R3HDM1: variants seen among roughly 807,000 people sequenced by gnomAD.
R3HDM1 encodes the protein R3H domain containing 1, also known as R3H domain-containing protein 1.
R3HDM1 carries 46 observed loss-of-function variants against 141.1 expected under a neutral mutation model. That is an observed-to-expected ratio of 0.33 (90% CI 0.26 to 0.42). R3HDM1 has a LOEUF of 0.42. Among genes scored for constraint, R3HDM1 ranks in the 10% least tolerant of loss-of-function variants. The pLI, the probability that R3HDM1 is intolerant of heterozygous loss-of-function variation, is 1.00. For synonymous variants in R3HDM1, 435 were observed against 472.9 expected (o/e 0.92, Z 1.04); for missense variants, 1,184 against 1,368.3 (o/e 0.87, Z 2.12).
At chr2:135,623,425 A>T (rs2061686429) in intron 7 of R3HDM1, among the ~76,000 whole-genome samples, 1 of 152,190 alleles carries the variant, frequency 6.6e-6, no homozygotes, top group African/African-American at 2.4e-5. Context: ...GTCACTAGAT[A>T]TGGGCACACG....
At chr2:135,645,767 G>A (rs905732793) in intron 16 of R3HDM1, among the ~76,000 whole-genome samples, 1 of 152,196 alleles carries the variant, frequency 6.6e-6, no homozygotes, top group African/African-American at 2.4e-5. Flanking sequence ...CCTGTCTGGT[G>A]AGTATTTTAT....
chr2:135,691,668 C>T (rs2072407496), intron 21 of R3HDM1, among the ~76,000 whole-genome samples: 1 of 151,764 alleles, frequency 6.6e-6, no homozygotes, highest in African/African-American at 2.4e-5. Flanking sequence ...TGGTGGGCCC[C>T]TGTAATTCTA....
intron 23 of R3HDM1, among the ~76,000 whole-genome samples, chr2:135,713,244 G>A (rs990556166): frequency 3.9e-5 from 6 of 152,114 alleles, no homozygotes; most frequent in Non-Finnish European, 5.9e-5. Context: ...TTACAGATCA[G>A]CTCACAAACT....
intron 7 of R3HDM1, among the ~76,000 whole-genome samples, chr2:135,625,692 C>A (rs1039796328): frequency 2.6e-5 from 4 of 151,994 alleles, no homozygotes; most frequent in African/African-American, 9.7e-5. Flanking sequence ...GCCCCTGCTC[C>A]CAATCTCCTG....
At position 135,616,673 on chromosome 2, in the gene R3HDM1, C is replaced by G; in HGVS notation, c.219C>G (p.Ser73Arg). 6.2e-7 allele frequency: 1 copy of G among 1,601,682 alleles called. No homozygotes were observed. Residue 73 changes from serine (S) to arginine (R), a missense_variant, in exon 5 of 27, where the codon AGC becomes AGG. Around this residue, in one of 5 missense-constraint regions of R3HDM1, gnomAD observed 192 missense variants for 215.7 expected, o/e 0.89. Coordinates refer to ENST00000683871, the MANE Select transcript of R3HDM1 (RefSeq NM_001378107.1). The part of the protein sequence containing the change: ...FGQTGKRSKS[S>R]SKLKLVRSLA... ...TTATAAATACTTCTCTTTAGTCAAG[C>G]TCAAAGTTAAAGCTAGTTCGGAGCC...
intron 14 of R3HDM1, among the ~76,000 whole-genome samples, chr2:135,640,793 A>G (rs1311593385): frequency 6.6e-6 from 1 of 152,196 alleles, no homozygotes; most frequent in Non-Finnish European, 1.5e-5. Context: ...TTTAGCCATT[A>G]TGCTAAAAAT....
chr2:135,637,509 A>G (rs374840343), intron 11 of R3HDM1, among the ~76,000 whole-genome samples: 7 of 152,092 alleles, frequency 4.6e-5, no homozygotes, highest in African/African-American at 1.7e-4. Context: ...TTAGCCAGGC[A>G]TGATGGTGCA....
rs370331569 is a variant in R3HDM1, at chr2:135,639,101, A to C, written c.1198A>C (p.Ile400Leu). 1.9e-6 allele frequency: 3 copies of C among 1,614,096 alleles called. No homozygotes were observed. The African/African-American group carries it at 4.0e-5, about 22-fold the overall frequency. The change falls in exon 14 of 27, where the codon ATA (isoleucine) becomes CTA (leucine). Residue 400 changes from isoleucine (I) to leucine (L), a missense_variant. By Grantham distance (5) the Ile-to-Leu change is conservative. This residue lies in a region of R3HDM1 where 240 missense variants were observed against 312.3 expected (regional missense o/e 0.77). Transcript: ENST00000683871. ...TGATAGTTCTGGAAGCAGCAAAAGC[A>C]TAGGCAGGCTTTCAAAAACAGGTAT... ...RGDSSGSSKS[I>L]GRLSKTGSES...
At chr2:135,542,956 C>G (rs2104901802) in intron 1 of R3HDM1, among the ~76,000 whole-genome samples, 2 of 152,262 alleles carry the variant, frequency 1.3e-5, no homozygotes, top group South Asian at 4.2e-4. Flanking sequence ...AGGCTGGTCT[C>G]AAGCTCCTGA....
chr2:135,682,375 A>G (rs1012159590), intron 21 of R3HDM1, among the ~76,000 whole-genome samples: 2 of 152,106 alleles, frequency 1.3e-5, no homozygotes, highest in African/African-American at 2.4e-5. Context: ...CGTTTGTTGT[A>G]CTTGTCAGTC....
intron 1 of R3HDM1, chr2:135,550,266 A>G: frequency 1.0e-6 from 1 of 963,800 alleles, no homozygotes; most frequent in Non-Finnish European, 1.2e-6. Context: ...TTTTTAGTCT[A>G]GCATTTAAGT....
intron 20 of R3HDM1, among the ~76,000 whole-genome samples, chr2:135,676,547 G>A (rs947499941): frequency 1.3e-5 from 2 of 152,032 alleles, no homozygotes; most frequent in Non-Finnish European, 2.9e-5. Context: ...GCAGTGGCTC[G>A]TGCCTGTAAT....
chr2:135,664,114 G>C (rs564403425), intron 19 of R3HDM1, among the ~76,000 whole-genome samples: 26 of 151,972 alleles, frequency 1.7e-4, no homozygotes, highest in Admixed American at 1.2e-3. Flanking sequence ...AATGTACTGG[G>C]AAATTAACAT....
intron 1 of R3HDM1, among the ~76,000 whole-genome samples, chr2:135,555,145 C>A (rs1490303365): frequency 6.6e-6 from 1 of 151,738 alleles, no homozygotes; most frequent in Non-Finnish European, 1.5e-5. Flanking sequence ...ACTAAAAATA[C>A]AAAAATTAGC....
chr2:135,562,745 G>C (rs535043792), intron 1 of R3HDM1, among the ~76,000 whole-genome samples: 2 of 152,188 alleles, frequency 1.3e-5, no homozygotes, highest in South Asian at 4.2e-4. Context: ...TACTTTATCA[G>C]GTATCTTTTT....
chr2:135,605,085 A>G (rs1444160562), intron 3 of R3HDM1, 69 bp downstream of exon 3: 1 of 1,307,802 alleles, frequency 7.6e-7, no homozygotes, highest in African/African-American at 1.5e-5. Context: ...ATTTTCATAC[A>G]AAACTCACTT....
chr2:135,616,517 G>A (rs1237127761), intron 4 of R3HDM1, 151 bp from the exon 5 acceptor site: 4 of 651,396 alleles, frequency 6.1e-6, no homozygotes, highest in Admixed American at 3.3e-5. Flanking sequence ...AAGGCCTTCA[G>A]TAGTGTTTAA....
At chr2:135,622,080 A>G in intron 6 of R3HDM1, 1 of 983,908 alleles carries the variant, frequency 1.0e-6, no homozygotes, top group African/African-American at 1.7e-5. Context: ...TTAAAAACCC[A>G]GTTATGTTGA....
At chr2:135,653,291 G>C (rs1410896669) in intron 18 of R3HDM1, among the ~76,000 whole-genome samples, 1 of 152,170 alleles carries the variant, frequency 6.6e-6, no homozygotes, top group East Asian at 1.9e-4. Flanking sequence ...GGCACATGCA[G>C]CTTGCAGTGA....
Sources: allele counts gnomAD v4.1 joint callset (sites outside exome capture counted in the v4.1 genomes callset), GRCh38; gene constraint gnomAD v4.1.1; regional missense constraint gnomAD v4.1.1; transcripts MANE v1.5; gene names NCBI Gene and HGNC (gene_info 2026-07-23, HGNC 2026-07-21).